The following PIK3AP1 variants were observed in gnomAD, a reference collection of about 807,000 sequenced individuals.
PIK3AP1 encodes the protein phosphoinositide-3-kinase adaptor protein 1.
A neutral mutation model predicts 88.1 loss-of-function variants in PIK3AP1; 21 were observed. The observed-to-expected ratio is 0.24, with a 90% CI of 0.17 to 0.34. The LOEUF (loss-of-function observed/expected upper bound fraction) is 0.34. Among genes scored for constraint, PIK3AP1 ranks in the 10% least tolerant of loss-of-function variants. The probability of loss-of-function intolerance (pLI) is 1.00; values close to 1 mark genes in which losing one functional copy is unlikely to be tolerated. For missense variants in PIK3AP1, 828 were observed against 1,035.7 expected (o/e 0.80, Z 2.75); for synonymous variants, 398 against 400.0 (o/e 1.00, Z 0.06).
chr10:96,712,527 C>A (rs1844452099), intron 1 of PIK3AP1, among the ~76,000 whole-genome samples: 1 of 151,954 alleles, frequency 6.6e-6, no homozygotes, highest in African/African-American at 2.4e-5. Flanking sequence ...TTTCTTTATA[C>A]CTCAATGGAA....
intron 1 of PIK3AP1, among the ~76,000 whole-genome samples, chr10:96,711,508 T>TA (rs1844436210): frequency 2.0e-5 from 3 of 152,212 alleles, no homozygotes; most frequent in Non-Finnish European, 1.5e-5. Context: ...GGGAACCACC[T>TA]AAGTTGTAGA....
At chr10:96,630,229 G>A (rs1256395967) in intron 8 of PIK3AP1, among the ~76,000 whole-genome samples, 3 of 152,164 alleles carry the variant, frequency 2.0e-5, no homozygotes, top group East Asian at 1.9e-4. Context: ...CATAGTGGAC[G>A]CGTTACATAA....
At chr10:96,640,811 C>T (rs1843374444) in intron 8 of PIK3AP1, among the ~76,000 whole-genome samples, 1 of 151,850 alleles carries the variant, frequency 6.6e-6, no homozygotes, top group Non-Finnish European at 1.5e-5. Flanking sequence ...GCATGTGCCA[C>T]CACGCCCTGC....
chr10:96,614,812 T>C (rs546048957), intron 13 of PIK3AP1, among the ~76,000 whole-genome samples: 2 of 152,136 alleles, frequency 1.3e-5, no homozygotes, highest in African/African-American at 4.8e-5. Context: ...CAAAGCCTTC[T>C]AGAACTCCAT....
At position 96,622,981 on chromosome 10, in the gene PIK3AP1, TG is replaced by T. The variant is rs766180705; in HGVS notation, c.1735+490del. Reference sequence around the variant, plus strand: ...CTGTTATCATTAGGTAAAGACTGAGTGCTGGGCCACCTACTTTCATCCTGTT... The same window carrying T: ...CTGTTATCATTAGGTAAAGACTGAGTCTGGGCCACCTACTTTCATCCTGTT... On this transcript the variant is annotated intron_variant, in intron 11 of 16. Coordinates refer to ENST00000339364, the MANE Select transcript of PIK3AP1 (RefSeq NM_152309.3). Among the ~76,000 whole-genome samples the T allele has an allele frequency of 1.1e-4, 16 of 152,332 alleles. 1 individual carries two copies. The East Asian group carries it at 2.1e-3, about 20-fold the overall frequency.
intron 14 of PIK3AP1, among the ~76,000 whole-genome samples, chr10:96,605,386 A>G (rs1185659569): frequency 6.6e-6 from 1 of 152,258 alleles, no homozygotes; most frequent in Non-Finnish European, 1.5e-5. Flanking sequence ...TAACTTAAAA[A>G]TGTAAATAAC....
At chr10:96,657,007 GC>G in intron 2 of PIK3AP1, 73 bp from the exon 3 acceptor site, 1 of 1,516,922 alleles carries the variant, frequency 6.6e-7, no homozygotes, top group Non-Finnish European at 9.0e-7. Flanking sequence ...CCCCATGAGA[GC>G]CCCAAATATT....
At chr10:96,686,189 T>C (rs139695461) in intron 2 of PIK3AP1, among the ~76,000 whole-genome samples, 8 of 152,312 alleles carry the variant, frequency 5.3e-5, no homozygotes, top group Non-Finnish European at 7.4e-5. Flanking sequence ...CCTAACCAGA[T>C]AGTAATTTAA....
At chr10:96,650,587 G>A (rs1303982424) in intron 6 of PIK3AP1, among the ~76,000 whole-genome samples, 3 of 152,194 alleles carry the variant, frequency 2.0e-5, no homozygotes, top group Non-Finnish European at 4.4e-5. Flanking sequence ...AGGAGTGCTA[G>A]GTCAATGGCA....
At chr10:96,624,466 G>A (rs1185851660) in intron 10 of PIK3AP1, among the ~76,000 whole-genome samples, 1 of 152,098 alleles carries the variant, frequency 6.6e-6, no homozygotes, top group East Asian at 1.9e-4. Flanking sequence ...TGTATTATTA[G>A]GACATGTATT....
At position 96,709,781 on chromosome 10, in the gene PIK3AP1, G is replaced by A. The variant is rs1272633155; in HGVS notation, c.216C>T (p.Ser72=). ...LSTRCVVVLL[S]AELVQHFHKP... ...TGTGGAAGTGCTGCACCAGCTCCGC[G>A]GACAGCAGCACCACGACACAGCGGG... The change falls in exon 2 of 17, where the codon TCC becomes TCT. Residue 72 remains serine (S), a synonymous_variant. Transcript: ENST00000339364. 2.5e-6 allele frequency: 4 copies of A among 1,613,552 alleles called. No individual in the cohort carries two copies. Among genetic ancestry groups the A allele is most frequent in the Non-Finnish European group, 3.4e-6 (4 of 1,179,610 alleles).
intron 8 of PIK3AP1, chr10:96,633,150 A>G (rs1843269567): frequency 3.6e-6 from 5 of 1,387,462 alleles, no homozygotes; most frequent in Non-Finnish European, 4.8e-6. Flanking sequence ...TGCCCTCAGG[A>G]AAGCCCAAAG....
At chr10:96,685,432 C>A (rs1435535392) in intron 2 of PIK3AP1, among the ~76,000 whole-genome samples, 1 of 152,208 alleles carries the variant, frequency 6.6e-6, no homozygotes, top group Non-Finnish European at 1.5e-5. Flanking sequence ...CTGCCCACAG[C>A]CCCTGGAGCC....
chr10:96,671,028 T>C (rs1299755794), intron 2 of PIK3AP1, among the ~76,000 whole-genome samples: 1 of 152,232 alleles, frequency 6.6e-6, no homozygotes, highest in Non-Finnish European at 1.5e-5. Context: ...TACAGTATGC[T>C]TAGAAAATGA....
At chr10:96,628,893 T>TACATATATATATATATATAC (rs1386024733) in intron 8 of PIK3AP1, among the ~76,000 whole-genome samples, 3 of 53,418 alleles carry the variant, frequency 5.6e-5, no homozygotes, top group Admixed American at 2.3e-4. Flanking sequence ...TATATACATA[T>TACATATATATATATATATAC]ATATATATAT....
At chr10:96,666,278 G>A (rs2134248918) in intron 2 of PIK3AP1, among the ~76,000 whole-genome samples, 1 of 152,126 alleles carries the variant, frequency 6.6e-6, no homozygotes, top group South Asian at 2.1e-4. Context: ...AATTAGCCGG[G>A]CGTGGTAGCA....
At chr10:96,670,155 CA>C (rs35152022) in intron 2 of PIK3AP1, among the ~76,000 whole-genome samples, 35,634 of 91,484 alleles carry the variant, frequency 0.39, 8,268 homozygotes, top group Non-Finnish European at 0.49. Context: ...AAGACTCCAT[CA>C]AAAAAAAAAA....
chr10:96,645,989 G>A (rs1843454213), intron 7 of PIK3AP1, among the ~76,000 whole-genome samples: 2 of 152,230 alleles, frequency 1.3e-5, no homozygotes, highest in Non-Finnish European at 2.9e-5. Flanking sequence ...GCCTGATGTG[G>A]TGGCTCACAC....
At chr10:96,669,057 G>A (rs1315415828) in intron 2 of PIK3AP1, among the ~76,000 whole-genome samples, 3 of 152,148 alleles carry the variant, frequency 2.0e-5, no homozygotes, top group African/African-American at 7.2e-5. Context: ...GCTTGAACTC[G>A]GGAAGCGGAG....
Sources: allele counts gnomAD v4.1 joint callset (sites outside exome capture counted in the v4.1 genomes callset), GRCh38; gene constraint gnomAD v4.1.1; transcripts MANE v1.5; gene names NCBI Gene and HGNC (gene_info 2026-07-23, HGNC 2026-07-21).